Variants in ZFHX3 observed in about 807,000 individuals in gnomAD.
ZFHX3 encodes the protein zinc finger homeobox protein 3.
Under a neutral mutation model 279.1 loss-of-function variants are expected in ZFHX3, and 42 were observed. The observed-to-expected ratio is 0.15, with a 90% CI of 0.12 to 0.19. ZFHX3 has a LOEUF of 0.19. ZFHX3 is among the 10% of genes least tolerant of loss of function. ZFHX3 has a pLI of 1.00. For synonymous variants in ZFHX3, 2,293 were observed against 1,957.8 expected (o/e 1.17, Z -4.52); for missense variants, 4,981 against 4,754.0 (o/e 1.05, Z -1.40).
chr16:73,661,845 C>T (rs1281565544), intron 2 of ZFHX3, among the ~76,000 whole-genome samples: 1 of 151,394 alleles, frequency 6.6e-6, no homozygotes, highest in African/African-American at 2.4e-5. Flanking sequence ...ATAAAAAGTA[C>T]TATTTATGTA....
chr16:73,838,241 G>T (rs1244854068), intron 1 of ZFHX3, among the ~76,000 whole-genome samples: 3 of 152,190 alleles, frequency 2.0e-5, no homozygotes, highest in African/African-American at 7.2e-5. Context: ...GTTTTGGGAT[G>T]CTGTGGCCAG....
chr16:73,326,638 TG>T (rs146952906), intron 3 of ZFHX3, among the ~76,000 whole-genome samples: 13,548 of 152,188 alleles, frequency 0.089, 800 homozygotes, highest in Middle Eastern at 0.21. Flanking sequence ...TAACTGATAA[TG>T]GGGATGTGGT....
chr16:73,207,239 G>C (rs1011146852), intron 5 of ZFHX3, among the ~76,000 whole-genome samples: 2 of 152,010 alleles, frequency 1.3e-5, no homozygotes, highest in Non-Finnish European at 2.9e-5. Context: ...AGCACTAGAC[G>C]ACACACGGTT....
intron 7 of ZFHX3, among the ~76,000 whole-genome samples, chr16:73,110,452 T>A (rs7185870): frequency 0.35 from 53,170 of 151,672 alleles, 9,584 homozygotes; most frequent in Admixed American, 0.46. Flanking sequence ...CTGACATGAC[T>A]TTGTATTTAT....
chr16:73,719,320 C>T (rs757619877), intron 1 of ZFHX3, among the ~76,000 whole-genome samples: 1 of 152,172 alleles, frequency 6.6e-6, no homozygotes, highest in African/African-American at 2.4e-5. Flanking sequence ...TCTCTTCTCA[C>T]GCTGGCCCAG....
At chr16:73,019,071 A>G (rs996806050) in intron 1 of ZFHX3, among the ~76,000 whole-genome samples, 1 of 152,228 alleles carries the variant, frequency 6.6e-6, no homozygotes, top group Non-Finnish European at 1.5e-5. Flanking sequence ...AGAATAAAAC[A>G]GCAAAACATC....
intron 5 of ZFHX3, among the ~76,000 whole-genome samples, chr16:73,231,774 A>G (rs2012781412): frequency 6.6e-6 from 1 of 152,072 alleles, no homozygotes; most frequent in Non-Finnish European, 1.5e-5. Context: ...TGTCTCCTGT[A>G]TTCTTTTCTC....
At chr16:73,319,930 A>G (rs1462833056) in intron 3 of ZFHX3, among the ~76,000 whole-genome samples, 2 of 152,214 alleles carry the variant, frequency 1.3e-5, no homozygotes, top group African/African-American at 4.8e-5. Flanking sequence ...ACATGGCAAC[A>G]TACCTTAGGT....
chr16:73,455,285 CAG>C (rs2143568453), intron 3 of ZFHX3, among the ~76,000 whole-genome samples: 1 of 152,234 alleles, frequency 6.6e-6, no homozygotes, highest in South Asian at 2.1e-4. Context: ...TTTGCATTCT[CAG>C]AGTTTGGAAA....
chr16:73,698,797 C>T (rs1035228025), intron 1 of ZFHX3, among the ~76,000 whole-genome samples: 2 of 152,140 alleles, frequency 1.3e-5, no homozygotes, highest in African/African-American at 4.8e-5. Context: ...CTTAATGCAA[C>T]GTAGGGTCCT....
At chr16:73,440,317 G>A (rs1256262472) in intron 3 of ZFHX3, among the ~76,000 whole-genome samples, 1 of 152,188 alleles carries the variant, frequency 6.6e-6, no homozygotes, top group Non-Finnish European at 1.5e-5. Flanking sequence ...ACAAACGAGT[G>A]TGTCCAAGAG....
chr16:73,247,971 T>C (rs111170004), intron 5 of ZFHX3, among the ~76,000 whole-genome samples: 1 of 151,938 alleles, frequency 6.6e-6, no homozygotes, highest in Non-Finnish European at 1.5e-5. Flanking sequence ...TGTCTGTGTG[T>C]CTATGTGCCT....
chr16:73,140,440 T>A (rs1358073144), intron 6 of ZFHX3, among the ~76,000 whole-genome samples: 1 of 152,198 alleles, frequency 6.6e-6, no homozygotes, highest in East Asian at 1.9e-4. Flanking sequence ...TTCATCCTGA[T>A]CTGCTGAGAC....
intron 1 of ZFHX3, among the ~76,000 whole-genome samples, chr16:73,830,827 G>A (rs755229456): frequency 5.8e-4 from 88 of 152,190 alleles, no homozygotes; most frequent in Non-Finnish European, 1.1e-3. Flanking sequence ...CAAAGATGCC[G>A]TTCCTCTGGT....
intron 5 of ZFHX3, among the ~76,000 whole-genome samples, chr16:73,155,687 G>A (rs1424198241): frequency 2.0e-5 from 3 of 152,024 alleles, no homozygotes; most frequent in South Asian, 2.1e-4. Context: ...GCTGGGCATG[G>A]CGGCATGCGC....
intron 4 of ZFHX3, among the ~76,000 whole-genome samples, chr16:72,866,062 C>A (rs75108543): frequency 0.014 from 2,088 of 152,172 alleles, 63 homozygotes; most frequent in Non-Finnish European, 0.016. Context: ...GTGAGATGCC[C>A]AAATTGGAAG....
intron 4 of ZFHX3, among the ~76,000 whole-genome samples, chr16:72,834,928 A>T (rs967013377): frequency 6.6e-6 from 1 of 152,226 alleles, no homozygotes; most frequent in Non-Finnish European, 1.5e-5. Context: ...GATTAAGACT[A>T]GTCCCTCTGT....
At chr16:73,101,973 G>C (rs1966237708) in intron 7 of ZFHX3, among the ~76,000 whole-genome samples, 1 of 149,226 alleles carries the variant, frequency 6.7e-6, no homozygotes, top group Admixed American at 6.7e-5. Context: ...GCGTGCACTG[G>C]CGCCATCTCA....
At chr16:73,694,547 TTGGCCAGGC>T (rs2053177957) in intron 1 of ZFHX3, among the ~76,000 whole-genome samples, 1 of 152,060 alleles carries the variant, frequency 6.6e-6, no homozygotes, top group South Asian at 2.1e-4. Flanking sequence ...TTTCACCATA[TTGGCCAGGC>T]TGGTCTTGAA....
Sources: allele counts gnomAD v4.1 joint callset (sites outside exome capture counted in the v4.1 genomes callset), GRCh38; gene constraint gnomAD v4.1.1; transcripts MANE v1.5; gene names NCBI Gene and HGNC (gene_info 2026-07-23, HGNC 2026-07-21).